LIMK1: variants seen among roughly 807,000 people sequenced by gnomAD.
LIMK1 encodes LIM motif-containing protein kinase.
LIMK1 carries 21 observed loss-of-function variants against 77.6 expected under a neutral mutation model. That is an observed-to-expected ratio of 0.27 (90% CI 0.19 to 0.39). The LOEUF is 0.39. LIMK1 is among the 10% of genes least tolerant of loss of function. The probability of loss-of-function intolerance (pLI) is 1.00; values close to 1 mark genes in which losing one functional copy is unlikely to be tolerated. For synonymous variants in LIMK1, 358 were observed against 370.0 expected, an observed-to-expected ratio of 0.97 and a Z score of 0.37; for missense variants, 696 against 901.6, an observed-to-expected ratio of 0.77 and a Z score of 2.92.
intron 5 of LIMK1, among the ~76,000 whole-genome samples, chr7:74,102,059 A>G (rs1799470087): frequency 6.6e-6 from 1 of 152,166 alleles, no homozygotes; most frequent in South Asian, 2.1e-4. Context: ...CCTGGGCTCA[A>G]GCAATCCTCC....
chr7:74,101,500 C>G (rs1275344017), intron 5 of LIMK1, among the ~76,000 whole-genome samples: 5 of 152,118 alleles, frequency 3.3e-5, no homozygotes, highest in African/African-American at 1.2e-4. Context: ...GAGCGAGACC[C>G]TATCTCTAAA....
chr7:74,109,800 C>G (rs1179013445), intron 10 of LIMK1: 1 of 152,468 alleles, frequency 6.6e-6, no homozygotes. Context: ...GAGCCAAGAT[C>G]GCACCACTGC....
chr7:74,095,390 A>G (rs1554695428), intron 2 of LIMK1, among the ~76,000 whole-genome samples: 1 of 152,104 alleles, frequency 6.6e-6, no homozygotes, highest in Non-Finnish European at 1.5e-5. Context: ...CTGCGGGTTC[A>G]CTGGGGCACC....
At chr7:74,110,175 C>T (rs1442173185) in intron 10 of LIMK1, 1 of 152,042 alleles carries the variant, frequency 6.6e-6, no homozygotes, top group African/African-American at 2.4e-5. Flanking sequence ...TAATGAGATC[C>T]CAATCCCATC....
At chr7:74,093,432 T>C in intron 2 of LIMK1, 1 of 1,151,446 alleles carries the variant, frequency 8.7e-7, no homozygotes, top group Non-Finnish European at 1.2e-6. Context: ...TACTGTCGGC[T>C]GCAGCCTGGG....
At chr7:74,089,917 G>A (rs1332784807) in intron 2 of LIMK1, among the ~76,000 whole-genome samples, 1 of 152,082 alleles carries the variant, frequency 6.6e-6, no homozygotes, top group African/African-American at 2.4e-5. Flanking sequence ...TGGAGAGAGG[G>A]TCAGGAGTAG....
intron 5 of LIMK1, 86 bp from the exon 6 acceptor site, chr7:74,105,789 C>G: frequency 1.1e-6 from 1 of 876,318 alleles, no homozygotes; most frequent in South Asian, 1.5e-5. Context: ...ACCTGCTCAC[C>G]CTGGATCTGG....
intron 12 of LIMK1, among the ~76,000 whole-genome samples, chr7:74,114,376 A>G (rs1045343872): frequency 1.3e-5 from 2 of 151,784 alleles, no homozygotes; most frequent in Non-Finnish European, 2.9e-5. Context: ...AAATAAAAAA[A>G]TTTGTCTCTA....
At position 74,098,784 on chromosome 7, in the gene LIMK1, C is replaced by T. The variant is rs556937657; in HGVS notation, c.402-248C>T. Reference sequence around the variant, plus strand: ...GCTTGAACCCAGGAGGCGGAGGTTACAGTGAGCCAAGATCACACCACTGCA... The same window carrying T: ...GCTTGAACCCAGGAGGCGGAGGTTATAGTGAGCCAAGATCACACCACTGCA... On this transcript the variant is annotated intron_variant, in intron 4 of 15. Coordinates refer to ENST00000336180, the MANE Select transcript of LIMK1 (RefSeq NM_002314.4). 2.0e-5 allele frequency among the ~76,000 whole-genome samples: 3 copies of T among 152,160 alleles called. No individual in the cohort carries two copies. The South Asian group carries it at 6.2e-4, about 32-fold the overall frequency.
At chr7:74,086,842 C>T (rs1799145789) in intron 2 of LIMK1, among the ~76,000 whole-genome samples, 1 of 152,150 alleles carries the variant, frequency 6.6e-6, no homozygotes, top group Non-Finnish European at 1.5e-5. Context: ...CAAACCAGGC[C>T]TTAAGGGAAA....
intron 11 of LIMK1, 37 bp downstream of exon 11, chr7:74,111,744 C>T (rs1165109434): frequency 1.3e-6 from 2 of 1,596,026 alleles, no homozygotes; most frequent in Non-Finnish European, 1.7e-6. Flanking sequence ...ATTCATAATC[C>T]CACCAGGAAT....
chr7:74,114,152 A>C (rs1799758474), intron 12 of LIMK1, among the ~76,000 whole-genome samples: 1 of 151,894 alleles, frequency 6.6e-6, no homozygotes, highest in South Asian at 2.1e-4. Flanking sequence ...CATGAGACTG[A>C]GGCAGAATTG....
intron 2 of LIMK1, among the ~76,000 whole-genome samples, chr7:74,089,162 G>A (rs1554694441): frequency 1.3e-5 from 2 of 152,224 alleles, no homozygotes. Flanking sequence ...CCTCGCTGAA[G>A]GTTGTAACAT....
chr7:74,116,547 G>A (rs1005112188), intron 13 of LIMK1, among the ~76,000 whole-genome samples: 1 of 152,050 alleles, frequency 6.6e-6, no homozygotes, highest in East Asian at 1.9e-4. Context: ...CAGGCTCCGG[G>A]GCACCTGTTT....
chr7:74,107,867 G>A lies in LIMK1; in HGVS notation c.1066-4G>A, dbSNP rs370059400. On this transcript the variant is annotated splice_region_variant and splice_polypyrimidine_tract_variant and intron_variant, in intron 8 of 15. Transcript: ENST00000336180. The stretch of plus-strand genomic sequence containing the variant: ...GTCTTCACACCTCTGTGTCCCACAC[G>A]CAGGTGACACACCGTGAGACAGGTG... 4.3e-5 allele frequency: 67 copies of A among 1,563,442 alleles called. No individual in the cohort carries two copies. The highest frequency in any genetic ancestry group is 9.5e-5 in the African/African-American group (7 of 73,872).
At chr7:74,085,011 T>C (rs1443526209) in intron 1 of LIMK1, among the ~76,000 whole-genome samples, 3 of 152,188 alleles carry the variant, frequency 2.0e-5, no homozygotes, top group African/African-American at 7.2e-5. Context: ...GCTATGTGAC[T>C]GGGCAAGCCA....
chr7:74,120,476 C>G (rs2115770786), intron 13 of LIMK1, 107 bp from the exon 14 acceptor site: 5 of 1,214,606 alleles, frequency 4.1e-6, no homozygotes, highest in Non-Finnish European at 4.9e-6. Context: ...CCTCCTGGGC[C>G]TGGACCTCCC....
intron 10 of LIMK1, chr7:74,109,877 C>T (rs150862): frequency 0.71 from 107,622 of 152,132 alleles, 39,085 homozygotes; most frequent in Middle Eastern, 0.86. Flanking sequence ...CCTCACAGAG[C>T]CCTGTGCTGG....
At chr7:74,120,693 C>T in intron 14 of LIMK1, 55 bp downstream of exon 14, 2 of 1,595,424 alleles carry the variant, frequency 1.3e-6, no homozygotes, top group South Asian at 1.1e-5. Context: ...TCCCCACTCA[C>T]CCAGGCTGCA....
Sources: gnomAD v4.1 joint callset for allele counts (sites outside exome capture counted in the v4.1 genomes callset) on GRCh38, gnomAD v4.1.1 for gene constraint, MANE v1.5 for transcripts, NCBI Gene and HGNC (gene_info 2026-07-23, HGNC 2026-07-21) for gene names.